SMARCA5: variants seen among roughly 807,000 people sequenced by gnomAD.
The protein encoded by SMARCA5 is SNF2 related chromatin remodeling ATPase 5, also known as SWI/SNF-related matrix-associated actin-dependent regulator of chromatin subfamily A member 5.
Under a neutral mutation model 140.4 loss-of-function variants are expected in SMARCA5, and 18 were observed. That is an observed-to-expected ratio of 0.13 (90% CI 0.09 to 0.19). The LOEUF is 0.19. SMARCA5 is among the 10% of genes least tolerant of loss of function. SMARCA5 has a pLI of 1.00. For synonymous variants in SMARCA5, 449 were observed against 419.6 expected, an observed-to-expected ratio of 1.07 and a Z score of -0.86; for missense variants, 606 against 1,276.8, an observed-to-expected ratio of 0.47 and a Z score of 8.01.
chr4:143,548,664 G>A (rs1290293592), intron 22 of SMARCA5, among the ~76,000 whole-genome samples: 4 of 152,022 alleles, frequency 2.6e-5, no homozygotes, highest in Non-Finnish European at 5.9e-5. Flanking sequence ...TTTGAATTCA[G>A]AAAAGTTTAA....
rs965010444 is a variant in SMARCA5, at chr4:143,535,215, C to T, written c.1268+251C>T. Among the ~76,000 whole-genome samples the T allele has an allele frequency of 3.9e-5, 6 of 152,114 alleles. No homozygotes were observed. The South Asian group carries it at 6.2e-4, about 16-fold the overall frequency. On this transcript the variant is annotated intron_variant, in intron 10 of 23. Transcript: ENST00000283131. ...AAATTAAAATTGGGATTTAATTAAA[C>T]GGGGTTCATATGAAACCATCTACTT...
chr4:143,555,377 C>G lies in SMARCA5; in HGVS notation c.*2193C>G, dbSNP rs1737726355. On this transcript the variant is annotated 3_prime_UTR_variant, in exon 24 of 24. Coordinates refer to ENST00000283131, the MANE Select transcript of SMARCA5 (RefSeq NM_003601.4). ...ACTGCCACCATATCCATCACCACCACCATGGCTGCCACCAAAGCCACCACG... is the reference window on the plus strand; with the variant it reads ...ACTGCCACCATATCCATCACCACCAGCATGGCTGCCACCAAAGCCACCACG... 1.4e-6 allele frequency: 1 copy of G among 693,400 alleles called. No homozygotes were observed. Among genetic ancestry groups the G allele is most frequent in the African/African-American group, 1.7e-5 (1 of 57,382 alleles). 43.0% of individuals were successfully genotyped at this position (693,400 alleles called of 1,614,324 possible). A position where few individuals can be genotyped will look rare whatever the true frequency, so the allele number is the denominator to read the frequency against.
intron 16 of SMARCA5, 167 bp downstream of exon 16, chr4:143,544,139 A>G: frequency 2.4e-6 from 1 of 423,376 alleles, no homozygotes; most frequent in Non-Finnish European, 4.1e-6. Context: ...CCAGTTTTTC[A>G]GTTGGTAAGC....
At chr4:143,550,208 C>G (rs1474670833) in intron 23 of SMARCA5, 104 bp downstream of exon 23, 2 of 578,956 alleles carry the variant, frequency 3.5e-6, no homozygotes, top group Non-Finnish European at 5.9e-6. Context: ...CTGTTGTGCA[C>G]CCCTCCATTG....
chr4:143,545,182 C>G (rs1334334418), intron 17 of SMARCA5, among the ~76,000 whole-genome samples: 1 of 152,052 alleles, frequency 6.6e-6, no homozygotes, highest in African/African-American at 2.4e-5. Flanking sequence ...ACCTCATGAT[C>G]CGCCCACCTT....
At chr4:143,526,547 A>G in intron 6 of SMARCA5, 87 bp downstream of exon 6, 2 of 816,986 alleles carry the variant, frequency 2.4e-6, no homozygotes, top group East Asian at 2.5e-5. Flanking sequence ...AGAAGGATAA[A>G]TGAGACGGGA....
rs76458674 is a variant in SMARCA5, at chr4:143,527,257, A to G, written c.802-611A>G. ...AGATTTGGAAATTTATTCAGACTCT[A>G]CTGAATAGCTGTGTACTTGTTTTTT... On this transcript the variant is annotated intron_variant, in intron 6 of 23. Coordinates refer to ENST00000283131, the MANE Select transcript of SMARCA5 (RefSeq NM_003601.4). 7.3e-3 allele frequency among the ~76,000 whole-genome samples: 1,117 copies of G among 152,342 alleles called. 11 individuals are homozygous for G. The highest frequency in any genetic ancestry group is 0.025 in the African/African-American group (1,057 of 41,584).
chr4:143,517,934 CTATG>C (rs1736874736), intron 2 of SMARCA5, among the ~76,000 whole-genome samples: 1 of 151,994 alleles, frequency 6.6e-6, no homozygotes, highest in Admixed American at 6.6e-5. Context: ...TCTTATGTGT[CTATG>C]TAAGCCAAAT....
intron 17 of SMARCA5, among the ~76,000 whole-genome samples, chr4:143,545,067 C>G (rs371948418): frequency 6.6e-6 from 1 of 151,476 alleles, no homozygotes; most frequent in African/African-American, 2.4e-5. Context: ...CTCACCCTTC[C>G]GAGTAGCTGG....
chr4:143,521,215 G>T (rs1736950902), intron 2 of SMARCA5, among the ~76,000 whole-genome samples: 1 of 151,950 alleles, frequency 6.6e-6, no homozygotes, highest in Non-Finnish European at 1.5e-5. Context: ...TCACTAGTTA[G>T]CATTTCATTT....
At chr4:143,549,852 A>G (rs1473585953) in intron 22 of SMARCA5, 145 bp from the exon 23 acceptor site, 20 of 510,884 alleles carry the variant, frequency 3.9e-5, no homozygotes, top group Middle Eastern at 5.5e-4. Context: ...CATGAATTGT[A>G]TATGAAAATC....
chr4:143,516,205 A>AT (rs60061501), intron 1 of SMARCA5, among the ~76,000 whole-genome samples: 2,681 of 124,388 alleles, frequency 0.022, 80 homozygotes, highest in African/African-American at 0.073. Context: ...GCATTCATGA[A>AT]TTTTTTTTTT....
chr4:143,537,568 G>A (rs1737338433), intron 11 of SMARCA5, among the ~76,000 whole-genome samples: 1 of 152,102 alleles, frequency 6.6e-6, no homozygotes, highest in African/African-American at 2.4e-5. Flanking sequence ...TGGTGGGGAG[G>A]AGTGGCAGGA....
In SMARCA5 at chr4:143,538,667, G is replaced by A; in HGVS notation, c.1573G>A (p.Glu525Lys). ...LEDYCMWRNY[E>K]YCRLDGQTPH... ...AGATTATTGCATGTGGAGAAATTAT[G>A]AGTACTGCAGGTTGGATGGTCAGAC... Residue 525 changes from glutamate (E) to lysine (K), a missense_variant, in exon 12 of 24, where the codon GAG becomes AAG. Glu to Lys is a moderately conservative substitution (Grantham distance 56). This residue lies in a region of SMARCA5 where 68 missense variants were observed against 126.9 expected (regional missense o/e 0.54). Coordinates refer to ENST00000283131, the MANE Select transcript of SMARCA5 (RefSeq NM_003601.4). 6.2e-7 allele frequency: 1 copy of A among 1,613,736 alleles called. No individual in the cohort carries two copies. The highest frequency in any genetic ancestry group is 8.5e-7 in the Non-Finnish European group (1 of 1,179,676).
intron 10 of SMARCA5, 73 bp from the exon 11 acceptor site, chr4:143,536,379 A>AT: frequency 1.0e-6 from 1 of 982,904 alleles, no homozygotes; most frequent in Non-Finnish European, 1.6e-6. Context: ...GGGGAAGGGG[A>AT]TTAAGTATGT....
At chr4:143,535,130 G>T (rs1476853517) in intron 10 of SMARCA5, among the ~76,000 whole-genome samples, 166 bp downstream of exon 10, 1 of 152,164 alleles carries the variant, frequency 6.6e-6, no homozygotes, top group Non-Finnish European at 1.5e-5. Flanking sequence ...CATTAAGTTC[G>T]TTATAGAAAG....
In SMARCA5 at chr4:143,521,605, A is replaced by C. The variant is rs1468165212; in HGVS notation, c.419+10A>C. The C allele has an allele frequency of 5.0e-6, 8 of 1,595,388 alleles. No homozygotes were observed. The highest frequency in any genetic ancestry group is 6.0e-6 in the Non-Finnish European group (7 of 1,170,922). ...TACTATCCGTTGGCGAGTGAGTAAT[A>C]GTTTAAACTTCATAGTTCAACCAAA... On this transcript the variant is annotated intron_variant, in intron 3 of 23. Transcript: ENST00000283131.
In SMARCA5 at chr4:143,545,508, C is replaced by G. The variant is rs1737506604; in HGVS notation, c.2322C>G (p.Phe774Leu). ...RPPKQPNVQD[F>L]QFFPPRLFEL... ...CAAAACAACCCAATGTTCAGGATTT[C>G]CAGTTCTTTCCTCCACGTTTATTTG... Residue 774 changes from phenylalanine to leucine, a missense_variant, in exon 18 of 24, where the codon TTC becomes TTG. Transcript: ENST00000283131. The G allele has an allele frequency of 6.2e-7, 1 of 1,613,196 alleles. No homozygotes were observed. Among genetic ancestry groups the G allele is most frequent in the East Asian group, 2.2e-5 (1 of 44,822 alleles).
At chr4:143,526,598 G>A in intron 6 of SMARCA5, 138 bp downstream of exon 6, 1 of 634,576 alleles carries the variant, frequency 1.6e-6, no homozygotes, top group Non-Finnish European at 2.7e-6. Context: ...GCATTGTCTT[G>A]GTGGATAAAA....
Sources: allele counts gnomAD v4.1 joint callset (sites outside exome capture counted in the v4.1 genomes callset), GRCh38; gene constraint gnomAD v4.1.1; regional missense constraint gnomAD v4.1.1; transcripts MANE v1.5; gene names NCBI Gene and HGNC (gene_info 2026-07-23, HGNC 2026-07-21).